KIR3DL3: variants seen among roughly 807,000 people sequenced by gnomAD.
KIR3DL3 encodes the protein killer cell immunoglobulin-like receptor 3DL3.
KIR3DL3 carries 27 observed loss-of-function variants against 34.9 expected under a neutral mutation model. The ratio of observed to expected loss-of-function variants is 0.77; its 90% CI spans 0.57 to 1.07. The LOEUF is 1.07. Ranked by LOEUF, KIR3DL3 falls within the 50% of genes least tolerant of loss-of-function variation. The probability of loss-of-function intolerance (pLI) is 0.00; values close to 1 mark genes in which losing one functional copy is unlikely to be tolerated. For missense variants in KIR3DL3, 681 were observed against 528.5 expected (o/e 1.29, Z -2.83); for synonymous variants, 217 against 200.2 (o/e 1.08, Z -0.71).
chr19:54,727,843 T>G lies in KIR3DL3; in HGVS notation c.588T>G (p.Phe196Leu). ...CCCTTGCAGGGACCTACAGATGCTTTGGTTCTGTCACTCACTTACCCTATG... is the reference window on the plus strand; with the variant it reads ...CCCTTGCAGGGACCTACAGATGCTTGGGTTCTGTCACTCACTTACCCTATG... ...TPALAGTYRC[F>L]GSVTHLPYEL... Residue 196 changes from phenylalanine (F) to leucine (L), a missense_variant, in exon 4 of 8, where the codon TTT becomes TTG. Coordinates refer to ENST00000291860, the MANE Select transcript of KIR3DL3 (RefSeq NM_153443.5). The G allele has an allele frequency of 1.2e-6, 2 of 1,614,058 alleles. No individual in the cohort carries two copies. Among genetic ancestry groups the G allele is most frequent in the East Asian group, 2.2e-5 (1 of 44,816 alleles).
rs763361302 is a variant in KIR3DL3, at chr19:54,727,601, C to G, written c.356-10C>G. ...GAGACGCCTTCTGAACTCACAACCT[C>G]TCTTCTTAGGAGTCCACAGAAAACC... On this transcript the variant is annotated splice_polypyrimidine_tract_variant and intron_variant, in intron 3 of 7. Coordinates refer to ENST00000291860, the MANE Select transcript of KIR3DL3 (RefSeq NM_153443.5). 21 of 1,606,896 alleles carry G rather than the reference C, an allele frequency of 1.3e-5. No individual in the cohort carries two copies. The highest frequency in any genetic ancestry group is 1.8e-4 in the Middle Eastern group (1 of 5,678).
chr19:54,736,190 T>C lies in KIR3DL3; in HGVS notation c.*94T>C, dbSNP rs28578030. On this transcript the variant is annotated 3_prime_UTR_variant, in exon 8 of 8. Coordinates refer to ENST00000291860, the MANE Select transcript of KIR3DL3 (RefSeq NM_153443.5). The stretch of plus-strand genomic sequence containing the variant: ...TTGATGGGATCTTCTAGGGAGACAA[T>C]AGCCCTGTCTCAAAACCGGGTTGCC... The C allele has an allele frequency of 0.035, 53,390 of 1,527,712 alleles. 1,079 individuals carry two copies. The highest frequency in any genetic ancestry group is 0.084 in the African/African-American group (5,544 of 66,042). The allele number at this position is 1,527,712 out of a possible 1,614,324, so 94.6% of individuals were successfully genotyped here.
At chr19:54,729,293 A>C (rs1034715516) in intron 4 of KIR3DL3, among the ~76,000 whole-genome samples, 200 bp from the exon 5 acceptor site, 1 of 151,978 alleles carries the variant, frequency 6.6e-6, no homozygotes, top group Non-Finnish European at 1.5e-5. Flanking sequence ...ATAGCTAGGG[A>C]TGGAGAAGTG....
chr19:54,734,094 T>C (rs1451478668), intron 5 of KIR3DL3, among the ~76,000 whole-genome samples: 2 of 152,200 alleles, frequency 1.3e-5, no homozygotes, highest in South Asian at 2.1e-4. Flanking sequence ...GGCTGTTTGA[T>C]TTAAGTCAGT....
In KIR3DL3 at chr19:54,727,870, G is replaced by T. The variant is rs2068374160; in HGVS notation, c.615G>T (p.Glu205Asp). ...GTTCTGTCACTCACTTACCCTATGA[G>T]TTGTCGGCTCCCAGTGACCCTCTGG... ...CFGSVTHLPYELSAPSDPLDI... is the reference protein window; with the variant it reads ...CFGSVTHLPYDLSAPSDPLDI... Residue 205 changes from glutamate to aspartate, a missense_variant, in exon 4 of 8, where the codon GAG (glutamate) becomes GAT (aspartate). Transcript: ENST00000291860. 1 of 1,613,578 alleles carries T rather than the reference G, an allele frequency of 6.2e-7. No individual in the cohort carries two copies. The highest frequency in any genetic ancestry group is 1.3e-5 in the African/African-American group (1 of 74,904).
chr19:54,735,723 G>A (rs2069465455), intron 6 of KIR3DL3, 97 bp from the exon 7 acceptor site: 8 of 1,409,146 alleles, frequency 5.7e-6, no homozygotes, highest in Non-Finnish European at 6.9e-6. Flanking sequence ...AGGGACCTCA[G>A]GCACCTATGG....
At position 54,726,249 on chromosome 19, in the gene KIR3DL3, T is replaced by A. The variant is rs1275882376; in HGVS notation, c.267T>A (p.His89Gln). Residue 89 changes from histidine to glutamine, a missense_variant, in exon 3 of 8, where the codon CAT becomes CAA. By Grantham distance (24) the His-to-Gln change is conservative. Coordinates refer to ENST00000291860, the MANE Select transcript of KIR3DL3 (RefSeq NM_153443.5). Reference protein sequence around the residue: ...SFLMGPVTPAHAGTYRCCSSH... With the variant: ...SFLMGPVTPAQAGTYRCCSSH... ...TCATGGGCCCTGTGACCCCAGCACA[T>A]GCAGGGACCTACAGATGTTGCAGTT... The A allele has an allele frequency of 6.2e-7, 1 of 1,613,754 alleles. No homozygotes were observed. Among genetic ancestry groups the A allele is most frequent in the East Asian group, 2.2e-5 (1 of 44,890 alleles).
At chr19:54,729,403 T>A in intron 4 of KIR3DL3, 90 bp from the exon 5 acceptor site, 1 of 1,259,126 alleles carries the variant, frequency 7.9e-7, no homozygotes, top group Non-Finnish European at 1.1e-6. Flanking sequence ...CATTAAGTCA[T>A]AGAGCAGGGG....
intron 4 of KIR3DL3, among the ~76,000 whole-genome samples, chr19:54,728,122 C>T: frequency 6.6e-6 from 1 of 151,564 alleles, no homozygotes; most frequent in East Asian, 2.0e-4. Context: ...AGGGGCCATA[C>T]AAGGTGTTAG....
chr19:54,729,468 A>G (rs1182207600), intron 4 of KIR3DL3, 25 bp from the exon 5 acceptor site: 27 of 1,546,582 alleles, frequency 1.7e-5, no homozygotes, highest in Non-Finnish European at 1.8e-5. Flanking sequence ...AACCTCCCTG[A>G]GGAAACCACC....
chr19:54,724,562 CGCTGGGGTGG>C, intron 1 of KIR3DL3, 32 bp downstream of exon 1: 1 of 1,591,940 alleles, frequency 6.3e-7, no homozygotes. Context: ...AGGGAGGGAG[CGCTGGGGTGG>C]AGATCTGGGC....
In KIR3DL3 at chr19:54,735,702, G is replaced by C. The variant is rs1305585325; in HGVS notation, c.1055-118G>C. On this transcript the variant is annotated intron_variant, in intron 6 of 7. Coordinates refer to ENST00000291860, the MANE Select transcript of KIR3DL3 (RefSeq NM_153443.5). The stretch of plus-strand genomic sequence containing the variant: ...GAGAGATAGAATGTCTGAGTCTGCT[G>C]TTGGCAACTGAGGGACCTCAGGCAC... The C allele has an allele frequency of 1.8e-6, 2 of 1,125,300 alleles. 1 individual carries two copies. The highest frequency in any genetic ancestry group is 2.6e-6 in the Non-Finnish European group (2 of 767,846). The allele number at this position is 1,125,300 out of a possible 1,614,324, so 69.7% of individuals were successfully genotyped here. A position where few individuals can be genotyped will look rare whatever the true frequency, so the allele number is the denominator to read the frequency against.
rs1473040186 is a variant in KIR3DL3, at chr19:54,736,448, G to A, written c.*352G>A. 1.2e-4 allele frequency: 47 copies of A among 406,208 alleles called. 1 individual carries two copies. The Middle Eastern group carries it at 3.0e-3, about 26-fold the overall frequency. The allele number at this position is 406,208 out of a possible 1,614,324, so 25.2% of individuals were successfully genotyped here. On this transcript the variant is annotated 3_prime_UTR_variant, in exon 8 of 8. Coordinates refer to ENST00000291860, the MANE Select transcript of KIR3DL3 (RefSeq NM_153443.5). Reference sequence around the variant, plus strand: ...TACTTCCTAGTCTACTTGAGGCTGCGATCACACTGAGGAACTCACAATTCC... The same window carrying A: ...TACTTCCTAGTCTACTTGAGGCTGCAATCACACTGAGGAACTCACAATTCC...
In KIR3DL3 at chr19:54,726,220, T is replaced by A. The variant is rs779469574; in HGVS notation, c.238T>A (p.Phe80Ile). Residue 80 changes from phenylalanine to isoleucine, a missense_variant, in exon 3 of 8, where the codon TTT becomes ATT. Coordinates refer to ENST00000291860, the MANE Select transcript of KIR3DL3 (RefSeq NM_153443.5). ...CTACAACAGAATATTCCGGAACAGCTTTCTCATGGGCCCTGTGACCCCAGC... is the reference window on the plus strand; with the variant it reads ...CTACAACAGAATATTCCGGAACAGCATTCTCATGGGCCCTGTGACCCCAGC... ...ELYNRIFRNS[F>I]LMGPVTPAHA... The A allele has an allele frequency of 5.6e-6, 9 of 1,613,538 alleles. No homozygotes were observed. Among genetic ancestry groups the A allele is most frequent in the Non-Finnish European group, 7.6e-6 (9 of 1,179,886 alleles).
rs1187291624 is a variant in KIR3DL3, at chr19:54,736,197, G to A, written c.*101G>A. 3.9e-6 allele frequency: 6 copies of A among 1,540,832 alleles called. No homozygotes were observed. Among genetic ancestry groups the A allele is most frequent in the Non-Finnish European group, 5.3e-6 (6 of 1,121,826 alleles). On this transcript the variant is annotated 3_prime_UTR_variant, in exon 8 of 8. Coordinates refer to ENST00000291860, the MANE Select transcript of KIR3DL3 (RefSeq NM_153443.5). The stretch of plus-strand genomic sequence containing the variant: ...GATCTTCTAGGGAGACAATAGCCCT[G>A]TCTCAAAACCGGGTTGCCAGCTCCC...
At chr19:54,732,035 G>A (rs1471576922) in intron 5 of KIR3DL3, among the ~76,000 whole-genome samples, 5 of 152,102 alleles carry the variant, frequency 3.3e-5, no homozygotes, top group Non-Finnish European at 5.9e-5. Flanking sequence ...AAGCTATGGA[G>A]GCTAAGACAG....
Position 54,727,750 on chromosome 19 carries a change from G to T in KIR3DL3, c.495G>T (p.Leu165Phe). ...GAGAGGGGATCACTGAGGACCCCTT[G>T]CGCCTCGTTGGACAGCTCCACGATG... Reference protein sequence around the residue: ...LHREGITEDPLRLVGQLHDAG... With the variant: ...LHREGITEDPFRLVGQLHDAG... The change falls in exon 4 of 8, where the codon TTG (leucine) becomes TTT (phenylalanine). Residue 165 changes from leucine (L) to phenylalanine (F), a missense_variant. Coordinates refer to ENST00000291860, the MANE Select transcript of KIR3DL3 (RefSeq NM_153443.5). The T allele has an allele frequency of 6.2e-7, 1 of 1,613,050 alleles. No individual in the cohort carries two copies. Among genetic ancestry groups the T allele is most frequent in the Non-Finnish European group, 8.5e-7 (1 of 1,179,776 alleles).
At chr19:54,735,484 AC>A in intron 6 of KIR3DL3, 127 bp downstream of exon 6, 1 of 614,238 alleles carries the variant, frequency 1.6e-6, no homozygotes, top group Non-Finnish European at 2.9e-6. Flanking sequence ...CAGAGGCAGG[AC>A]TTTCTAGAGA....
chr19:54,729,688 C>A lies in KIR3DL3; in HGVS notation c.851C>A (p.Pro284His). Residue 284 changes from proline to histidine, a missense_variant, in exon 5 of 8, where the codon CCT becomes CAT. Coordinates refer to ENST00000291860, the MANE Select transcript of KIR3DL3 (RefSeq NM_153443.5). The part of the protein sequence containing the change: ...GTFQANFPLG[P>H]VTHGGNYRCF... Reference sequence around the variant, plus strand: ...TTCCAGGCCAACTTCCCTCTGGGCCCTGTGACCCACGGAGGGAACTACAGA... The same window carrying A: ...TTCCAGGCCAACTTCCCTCTGGGCCATGTGACCCACGGAGGGAACTACAGA... 6.3e-7 allele frequency: 1 copy of A among 1,599,920 alleles called. No individual in the cohort carries two copies.
Sources: gnomAD v4.1 joint callset for allele counts (sites outside exome capture counted in the v4.1 genomes callset) on GRCh38, gnomAD v4.1.1 for gene constraint, MANE v1.5 for transcripts, NCBI Gene and HGNC (gene_info 2026-07-23, HGNC 2026-07-21) for gene names.